ERMP1: variants seen among roughly 807,000 people sequenced by gnomAD.
ERMP1 encodes the protein Felix-ina.
ERMP1 carries 86 observed loss-of-function variants against 92.0 expected under a neutral mutation model. That is an observed-to-expected ratio of 0.93 (90% CI 0.79 to 1.12). The LOEUF is 1.12. Ranked by LOEUF, ERMP1 falls within the 50% of genes most tolerant of loss-of-function variation. The probability of loss-of-function intolerance (pLI) is 0.00; values close to 1 mark genes in which losing one functional copy is unlikely to be tolerated. For synonymous variants in ERMP1, 530 were observed against 412.8 expected (o/e 1.28, Z -3.44); for missense variants, 1,342 against 1,116.3 (o/e 1.20, Z -2.88).
intron 1 of ERMP1, among the ~76,000 whole-genome samples, chr9:5,832,151 G>A (rs536912636): frequency 3.4e-4 from 51 of 151,990 alleles, no homozygotes; most frequent in Non-Finnish European, 6.0e-4. Context: ...ATAAACTGCA[G>A]GGATCTGAGA....
At chr9:5,815,782 T>C (rs1177137291) in intron 4 of ERMP1, among the ~76,000 whole-genome samples, 2 of 151,966 alleles carry the variant, frequency 1.3e-5, no homozygotes, top group African/African-American at 4.8e-5. Flanking sequence ...AATCAAACGA[T>C]GAAAATGTAG....
chr9:5,803,950 CAA>C (rs960973816), intron 10 of ERMP1, among the ~76,000 whole-genome samples: 2 of 152,220 alleles, frequency 1.3e-5, no homozygotes, highest in African/African-American at 2.4e-5. Flanking sequence ...ACTATATACA[CAA>C]AGTCACATAT....
At chr9:5,852,674 A>G (rs1830324737) in intron 6 of ERMP1, among the ~76,000 whole-genome samples, 1 of 151,582 alleles carries the variant, frequency 6.6e-6, no homozygotes, top group South Asian at 2.1e-4. Flanking sequence ...AAAAAAAAAA[A>G]GAATGTTTTA....
intron 6 of ERMP1, among the ~76,000 whole-genome samples, chr9:5,845,940 G>C (rs1323899383): frequency 6.6e-6 from 1 of 152,220 alleles, no homozygotes; most frequent in Admixed American, 6.5e-5. Flanking sequence ...GAGAAGGGCA[G>C]AGAAGAAGCC....
At chr9:5,820,815 T>C (rs972565510) in intron 4 of ERMP1, among the ~76,000 whole-genome samples, 9 of 152,218 alleles carry the variant, frequency 5.9e-5, no homozygotes, top group African/African-American at 2.2e-4. Context: ...GCCTTTATCC[T>C]CTTTTAGTCA....
intron 5 of ERMP1, among the ~76,000 whole-genome samples, chr9:5,862,817 G>C (rs981827871): frequency 1.3e-5 from 2 of 152,166 alleles, no homozygotes; most frequent in African/African-American, 4.8e-5. Context: ...CCATGGGTTG[G>C]TTCTCAGGTC....
intron 4 of ERMP1, among the ~76,000 whole-genome samples, chr9:5,822,405 G>T (rs1210678801): frequency 6.6e-6 from 1 of 152,260 alleles, no homozygotes; most frequent in South Asian, 2.1e-4. Context: ...TGCTGCTTCT[G>T]ACATCATGAC....
At chr9:5,816,462 T>G (rs571562464) in intron 4 of ERMP1, among the ~76,000 whole-genome samples, 1 of 152,190 alleles carries the variant, frequency 6.6e-6, no homozygotes, top group Non-Finnish European at 1.5e-5. Flanking sequence ...GTTGATCAAC[T>G]TGGTTGGAAA....
intron 6 of ERMP1, among the ~76,000 whole-genome samples, chr9:5,850,054 G>A (rs1362962037): frequency 1.3e-5 from 2 of 152,148 alleles, no homozygotes; most frequent in African/African-American, 2.4e-5. Flanking sequence ...AGTGTTTAAG[G>A]AATAGGCCCA....
At chr9:5,829,219 CAAAA>C (rs546458492) in intron 2 of ERMP1, among the ~76,000 whole-genome samples, 2 of 56,386 alleles carry the variant, frequency 3.5e-5, no homozygotes, top group African/African-American at 1.2e-4. Flanking sequence ...GCCCCCCAGC[CAAAA>C]AAAAAAAAAA....
Position 5,832,775 on chromosome 9 carries a change from G to A in ERMP1, c.253C>T (p.Arg85Trp), listed in dbSNP as rs1364428511. 2 of 1,500,172 alleles carry A rather than the reference G, an allele frequency of 1.3e-6. No homozygotes were observed. Among genetic ancestry groups the A allele is most frequent in the East Asian group, 2.8e-5 (1 of 35,700 alleles). The allele number at this position is 1,500,172 out of a possible 1,614,324, so 92.9% of individuals were successfully genotyped here. The change falls in exon 1 of 15, where the codon CGG becomes TGG. Residue 85 changes from arginine (R) to tryptophan (W), a missense_variant. By Grantham distance (101) the Arg-to-Trp change is moderately radical. Transcript: ENST00000339450. ...TGCAGCGAGAGCTGCACCAGCGTCC[G>A]CAGCGCGATCAGGTAGAGCGCGAGC... ...LGLALYLIAL[R>W]TLVQLSLQQL...
intron 4 of ERMP1, among the ~76,000 whole-genome samples, chr9:5,813,817 G>A (rs1180232219): frequency 6.7e-6 from 1 of 149,786 alleles, no homozygotes; most frequent in South Asian, 2.1e-4. Context: ...TCAAATGGGA[G>A]TTTTTCCTGT....
intron 12 of ERMP1, 69 bp from the exon 13 acceptor site, chr9:5,798,001 T>C: frequency 1.0e-6 from 1 of 954,276 alleles, no homozygotes; most frequent in Non-Finnish European, 1.7e-6. Flanking sequence ...CTCACAGAAC[T>C]GTTCAGCATA....
intron 11 of ERMP1, among the ~76,000 whole-genome samples, chr9:5,799,697 T>C (rs569331279): frequency 3.9e-5 from 6 of 152,342 alleles, no homozygotes; most frequent in Admixed American, 2.0e-4. Flanking sequence ...ACAGACTGTA[T>C]TGCTGACAAA....
intron 10 of ERMP1, among the ~76,000 whole-genome samples, chr9:5,801,935 T>C (rs1828688615): frequency 6.6e-6 from 1 of 152,178 alleles, no homozygotes; most frequent in South Asian, 2.1e-4. Flanking sequence ...AGTCTCAAGG[T>C]TGGCATCTAG....
chr9:5,807,338 T>C (rs1429336402), intron 8 of ERMP1, among the ~76,000 whole-genome samples: 3 of 152,214 alleles, frequency 2.0e-5, no homozygotes, highest in Non-Finnish European at 2.9e-5. Flanking sequence ...ACTACCTCCT[T>C]GTCTTCACCA....
upstream of ERMP1, among the ~76,000 whole-genome samples, chr9:5,833,732 G>A (rs1586830864): frequency 6.6e-6 from 1 of 152,116 alleles, no homozygotes; most frequent in Non-Finnish European, 1.5e-5. Context: ...CCTGAGAAAC[G>A]TAGAGATAAC....
At chr9:5,861,319 A>T (rs1405674733) in intron 5 of ERMP1, among the ~76,000 whole-genome samples, 1 of 151,836 alleles carries the variant, frequency 6.6e-6, no homozygotes, top group African/African-American at 2.4e-5. Context: ...AGCTGTGCTG[A>T]ATTTGGGTGA....
At chr9:5,843,194 C>T (rs185273240) in intron 6 of ERMP1, among the ~76,000 whole-genome samples, 10 of 152,292 alleles carry the variant, frequency 6.6e-5, no homozygotes, top group Non-Finnish European at 1.0e-4. Context: ...TAAGGACTGG[C>T]GTGAACTAGA....
Sources: allele counts gnomAD v4.1 joint callset (sites outside exome capture counted in the v4.1 genomes callset), GRCh38; gene constraint gnomAD v4.1.1; transcripts MANE v1.5; gene names NCBI Gene and HGNC (gene_info 2026-07-23, HGNC 2026-07-21).